The following IL1RAPL2 variants were observed in gnomAD, a reference collection of about 807,000 sequenced individuals.
The protein encoded by IL1RAPL2 is interleukin 1 receptor accessory protein like 2, also known as X-linked interleukin-1 receptor accessory protein-like 2.
IL1RAPL2 carries 3 observed loss-of-function variants against 44.1 expected under a neutral mutation model. That is an observed-to-expected ratio of 0.07 (90% CI 0.03 to 0.18). The LOEUF (loss-of-function observed/expected upper bound fraction) is 0.18. Among genes scored for constraint, IL1RAPL2 ranks in the 10% least tolerant of loss-of-function variants. The probability of loss-of-function intolerance (pLI) is 1.00; values close to 1 mark genes in which losing one functional copy is unlikely to be tolerated. For synonymous variants in IL1RAPL2, 181 were observed against 178.8 expected, an observed-to-expected ratio of 1.01 and a Z score of -0.10; for missense variants, 391 against 496.4, an observed-to-expected ratio of 0.79 and a Z score of 2.02.
intron 2 of IL1RAPL2, among the ~76,000 whole-genome samples, chrX:105,092,175 C>T (rs1468934629): frequency 4.5e-5 from 5 of 110,781 alleles, no homozygotes; most frequent in Admixed American, 1.9e-4. Context: ...CAAAGAATTA[C>T]GGCCAACTAC....
At chrX:105,013,111 T>G (rs1288259107) in intron 2 of IL1RAPL2, among the ~76,000 whole-genome samples, 2 of 111,340 alleles carry the variant, frequency 1.8e-5, no homozygotes, top group Non-Finnish European at 3.8e-5. Flanking sequence ...AACTGTTTAT[T>G]AAATGTAACA....
At chrX:105,564,550 C>G (rs1342822682) in intron 6 of IL1RAPL2, among the ~76,000 whole-genome samples, 5 of 112,454 alleles carry the variant, frequency 4.4e-5, no homozygotes, top group Non-Finnish European at 9.4e-5. Flanking sequence ...TAGTTTAAAG[C>G]TGTCAGCCTT....
intron 6 of IL1RAPL2, among the ~76,000 whole-genome samples, chrX:105,685,093 T>G (rs531985188): frequency 8.9e-6 from 1 of 111,978 alleles, no homozygotes; most frequent in South Asian, 3.8e-4. Flanking sequence ...CCACAAAGAT[T>G]GGGAGAAACC....
chrX:105,065,048 G>C (rs1335421957), intron 2 of IL1RAPL2, among the ~76,000 whole-genome samples: 1 of 112,344 alleles, frequency 8.9e-6, no homozygotes, highest in African/African-American at 3.2e-5. Context: ...GGGACTGCAT[G>C]TTATATAGTT....
intron 6 of IL1RAPL2, among the ~76,000 whole-genome samples, chrX:105,679,720 A>T (rs771801569): frequency 3.6e-5 from 4 of 112,056 alleles, no homozygotes; most frequent in Non-Finnish European, 5.6e-5. Flanking sequence ...CCACCAAAAC[A>T]TATCAATTTT....
intron 4 of IL1RAPL2, among the ~76,000 whole-genome samples, chrX:105,248,252 T>C (rs1307923767): frequency 9.0e-6 from 1 of 111,185 alleles, no homozygotes; most frequent in Non-Finnish European, 1.9e-5. Context: ...GCTGATGCAA[T>C]AAGAAAATGA....
chrX:105,704,087 A>C (rs1166214577), intron 6 of IL1RAPL2, among the ~76,000 whole-genome samples: 1 of 111,522 alleles, frequency 9.0e-6, no homozygotes, highest in Non-Finnish European at 1.9e-5. Flanking sequence ...TGACCTGCCA[A>C]AGAGCTTACA....
chrX:104,588,564 C>T (rs2147995924), intron 1 of IL1RAPL2, among the ~76,000 whole-genome samples: 2 of 110,270 alleles, frequency 1.8e-5, no homozygotes, highest in African/African-American at 6.6e-5. Context: ...TCAGATTTTC[C>T]AAGTGTTGCA....
At chrX:104,571,673 C>T (rs781403219) in intron 1 of IL1RAPL2, among the ~76,000 whole-genome samples, 3 of 112,183 alleles carry the variant, frequency 2.7e-5, no homozygotes, top group Non-Finnish European at 5.6e-5. Context: ...GTCCACTAAA[C>T]CTCTTTCTTT....
chrX:105,560,243 TA>T (rs1246112088), intron 6 of IL1RAPL2, among the ~76,000 whole-genome samples: 3 of 111,164 alleles, frequency 2.7e-5, no homozygotes, highest in Non-Finnish European at 5.7e-5. Flanking sequence ...TGTTCTGAGC[TA>T]GGCCAACTTA....
chrX:105,577,256 G>T (rs772407263), intron 6 of IL1RAPL2, among the ~76,000 whole-genome samples: 30 of 111,258 alleles, frequency 2.7e-4, no homozygotes, highest in Non-Finnish European at 4.2e-4. Context: ...AGAAATAATT[G>T]CCAGTAAAAG....
intron 2 of IL1RAPL2, among the ~76,000 whole-genome samples, chrX:104,906,344 G>C (rs1332731383): frequency 9.1e-6 from 1 of 110,249 alleles, no homozygotes; most frequent in Non-Finnish European, 1.9e-5. Context: ...ACACTATGTT[G>C]AATAGGAGTG....
chrX:105,105,659 C>A (rs182288176), intron 2 of IL1RAPL2, among the ~76,000 whole-genome samples: 274 of 112,191 alleles, frequency 2.4e-3, no homozygotes, highest in African/African-American at 7.6e-3. Context: ...GGCTTCCAGG[C>A]CAGTTTTCTT....
chrX:104,633,237 G>T (rs371831925), intron 1 of IL1RAPL2, among the ~76,000 whole-genome samples: 3 of 111,608 alleles, frequency 2.7e-5, no homozygotes, highest in African/African-American at 9.8e-5. Context: ...GCTGGATTCG[G>T]TTTGCCAGTA....
intron 2 of IL1RAPL2, among the ~76,000 whole-genome samples, chrX:105,106,967 A>G (rs1200461342): frequency 2.7e-5 from 3 of 112,068 alleles, no homozygotes; most frequent in African/African-American, 6.5e-5. Flanking sequence ...GGAGTATCCA[A>G]TCTAGGAGAA....
chrX:105,080,528 C>T (rs992805871), intron 2 of IL1RAPL2, among the ~76,000 whole-genome samples: 5 of 110,432 alleles, frequency 4.5e-5, no homozygotes, highest in African/African-American at 1.3e-4. Flanking sequence ...CAGATGGTTG[C>T]AGATATGTGG....
intron 6 of IL1RAPL2, among the ~76,000 whole-genome samples, chrX:105,665,726 G>GTTTTT (rs745949698): frequency 5.3e-5 from 4 of 75,190 alleles, no homozygotes; most frequent in African/African-American, 1.6e-4. Flanking sequence ...TTTTATTTTT[G>GTTTTT]TTTTTTTGTT....
chrX:105,706,894 A>G (rs1022416265), intron 6 of IL1RAPL2, among the ~76,000 whole-genome samples: 6 of 111,574 alleles, frequency 5.4e-5, no homozygotes, highest in African/African-American at 1.9e-4. Flanking sequence ...TCCTGTCTTC[A>G]AAGAACAGAA....
intron 6 of IL1RAPL2, among the ~76,000 whole-genome samples, chrX:105,576,099 A>G (rs957345072): frequency 5.4e-5 from 6 of 111,116 alleles, no homozygotes; most frequent in African/African-American, 2.0e-4. Flanking sequence ...CAAATATTTT[A>G]TCTTATATTG....
Sources: allele counts gnomAD v4.1 joint callset (sites outside exome capture counted in the v4.1 genomes callset), GRCh38; gene constraint gnomAD v4.1.1; transcripts MANE v1.5; gene names NCBI Gene and HGNC (gene_info 2026-07-23, HGNC 2026-07-21).